Variants in GRM8 observed in about 807,000 individuals in gnomAD.
The protein encoded by GRM8 is metabotropic glutamate receptor 8.
GRM8 carries 47 observed loss-of-function variants against 87.2 expected under a neutral mutation model. The observed-to-expected ratio is 0.54, with a 90% confidence interval of 0.43 to 0.69. The LOEUF is 0.69. GRM8 is among the 30% of genes least tolerant of loss of function. The pLI is 0.00. For synonymous variants in GRM8, 396 were observed against 404.5 expected, an observed-to-expected ratio of 0.98 and a Z score of 0.25; for missense variants, 1,019 against 1,139.2, an observed-to-expected ratio of 0.89 and a Z score of 1.52.
At chr7:127,232,466 T>C (rs143187925) in intron 2 of GRM8, among the ~76,000 whole-genome samples, 367 of 152,262 alleles carry the variant, frequency 2.4e-3, no homozygotes, top group Non-Finnish European at 4.5e-3. Context: ...CCCAAGCTGG[T>C]CTTGAACTCC....
rs146777489 is a variant in GRM8, at chr7:126,522,424, G to A, written c.2430+10528C>T. On this transcript the variant is annotated intron_variant, in intron 9 of 10. Transcript: ENST00000339582. ...ATGCTCAAAAAGGTTAAATATACTC[G>A]AATCCCTAGCAAATGAAGTACAAAC... Among the ~76,000 whole-genome samples the A allele has an allele frequency of 1.3e-4, 20 of 152,138 alleles. No homozygotes were observed. In the East Asian group the frequency reaches 3.9e-3, roughly 29 times the overall value.
At chr7:127,087,476 C>T (rs376379360) in intron 3 of GRM8, among the ~76,000 whole-genome samples, 17 of 152,270 alleles carry the variant, frequency 1.1e-4, no homozygotes, top group South Asian at 6.2e-4. Flanking sequence ...GAGGACATTA[C>T]GCTAAGTGAA....
intron 7 of GRM8, among the ~76,000 whole-genome samples, chr7:126,765,099 C>T (rs990875530): frequency 1.3e-5 from 2 of 151,332 alleles, no homozygotes; most frequent in African/African-American, 4.9e-5. Flanking sequence ...ATTCAAGCTT[C>T]CAAGAAGCTG....
chr7:126,930,067 T>C (rs1397368161), intron 3 of GRM8, among the ~76,000 whole-genome samples: 2 of 152,180 alleles, frequency 1.3e-5, no homozygotes, highest in South Asian at 2.1e-4. Context: ...AAAGGAATCA[T>C]AGCCCTGTGT....
chr7:126,610,549 T>G (rs1798818707), intron 7 of GRM8, among the ~76,000 whole-genome samples: 1 of 152,194 alleles, frequency 6.6e-6, no homozygotes, highest in South Asian at 2.1e-4. Flanking sequence ...TCTCCAAAAG[T>G]ATACATAACT....
chr7:127,169,183 A>T (rs1037483490), intron 2 of GRM8, among the ~76,000 whole-genome samples: 3 of 152,178 alleles, frequency 2.0e-5, no homozygotes, highest in South Asian at 2.1e-4. Context: ...AGTCGTGAAT[A>T]TGAAGAAAAA....
intron 8 of GRM8, among the ~76,000 whole-genome samples, chr7:126,576,850 C>T (rs1054731528): frequency 6.6e-6 from 1 of 152,124 alleles, no homozygotes; most frequent in Non-Finnish European, 1.5e-5. Flanking sequence ...TAATTATAAA[C>T]CAGACTTACA....
At chr7:126,483,104 TA>T (rs1289919429) in intron 9 of GRM8, among the ~76,000 whole-genome samples, 1 of 147,930 alleles carries the variant, frequency 6.8e-6, no homozygotes, top group Non-Finnish European at 1.5e-5. Flanking sequence ...ATTTGTTATA[TA>T]AATATATAAC....
rs150701777 is a variant in GRM8, at chr7:126,697,257, C to T, written c.1357+72608G>A. Among the ~76,000 whole-genome samples, 16 of 151,008 alleles carry T rather than the reference C, an allele frequency of 1.1e-4. No individual in the cohort carries two copies. The East Asian group carries it at 1.9e-3, about 18-fold the overall frequency. ...AGGGGATGGGGAATGGAGAAATGCA[C>T]GTCAATGGGTACAAAGTTGCAGTTA... On this transcript the variant is annotated intron_variant, in intron 7 of 10. Coordinates refer to ENST00000339582, the MANE Select transcript of GRM8 (RefSeq NM_000845.3).
chr7:126,747,034 T>A (rs2151528062), intron 7 of GRM8, among the ~76,000 whole-genome samples: 1 of 152,024 alleles, frequency 6.6e-6, no homozygotes, highest in East Asian at 1.9e-4. Context: ...TGAAATATAT[T>A]TTTTTCATGT....
At chr7:127,239,805 T>C (rs1398307101) in intron 2 of GRM8, among the ~76,000 whole-genome samples, 1 of 152,218 alleles carries the variant, frequency 6.6e-6, no homozygotes, top group Admixed American at 6.5e-5. Context: ...AAGTTGCTAT[T>C]ATCTAATTCA....
intron 6 of GRM8, among the ~76,000 whole-genome samples, chr7:126,819,135 A>G (rs1302311637): frequency 6.6e-6 from 1 of 152,146 alleles, no homozygotes; most frequent in African/African-American, 2.4e-5. Context: ...CTGTCTTCCC[A>G]GAGAACAAAT....
At chr7:126,762,271 C>T (rs1372158446) in intron 7 of GRM8, among the ~76,000 whole-genome samples, 3 of 151,708 alleles carry the variant, frequency 2.0e-5, no homozygotes, top group African/African-American at 4.8e-5. Context: ...ACGCCTTTGA[C>T]TTTAAAAGAT....
At chr7:127,106,310 C>T (rs1825798829) in intron 3 of GRM8, among the ~76,000 whole-genome samples, 186 bp downstream of exon 3, 3 of 152,148 alleles carry the variant, frequency 2.0e-5, no homozygotes, top group South Asian at 2.1e-4. Flanking sequence ...CAAAGTGTCA[C>T]CTTGATAGAC....
At chr7:127,011,072 C>G (rs959051708) in intron 3 of GRM8, among the ~76,000 whole-genome samples, 1 of 152,030 alleles carries the variant, frequency 6.6e-6, no homozygotes, top group African/African-American at 2.4e-5. Context: ...CATATTATCT[C>G]TTTTTTAAAA....
intron 6 of GRM8, among the ~76,000 whole-genome samples, chr7:126,798,166 T>C (rs1385350960): frequency 2.4e-5 from 1 of 41,724 alleles, no homozygotes; most frequent in East Asian, 2.6e-4. Flanking sequence ...CCTTAGAGCA[T>C]TTTTTTTTTC....
chr7:126,823,683 TTC>T (rs1403666826), intron 6 of GRM8, among the ~76,000 whole-genome samples: 1 of 152,242 alleles, frequency 6.6e-6, no homozygotes, highest in Admixed American at 6.5e-5. Context: ...ATATTATGCA[TTC>T]TTTTTTTCAT....
chr7:126,517,750 T>TG (rs1397572747), intron 9 of GRM8, among the ~76,000 whole-genome samples: 5 of 152,086 alleles, frequency 3.3e-5, no homozygotes, highest in African/African-American at 1.2e-4. Context: ...CATAAGAGTT[T>TG]GGGGAATTAA....
At chr7:127,090,063 C>G (rs1020955928) in intron 3 of GRM8, among the ~76,000 whole-genome samples, 1 of 152,178 alleles carries the variant, frequency 6.6e-6, no homozygotes, top group African/African-American at 2.4e-5. Context: ...GACCTTGTGA[C>G]CACTTGTGCC....
Sources: gnomAD v4.1 joint callset for allele counts (sites outside exome capture counted in the v4.1 genomes callset) on GRCh38, gnomAD v4.1.1 for gene constraint, MANE v1.5 for transcripts, NCBI Gene and HGNC (gene_info 2026-07-23, HGNC 2026-07-21) for gene names.